The following AGBL4 variants were observed in gnomAD, a reference collection of about 807,000 sequenced individuals.
AGBL4 encodes the protein cytosolic carboxypeptidase 6.
AGBL4 carries 58 observed loss-of-function variants against 66.4 expected under a neutral mutation model. The observed-to-expected ratio is 0.87, with a 90% CI of 0.71 to 1.09. AGBL4 has a LOEUF of 1.09. Ranked by LOEUF, AGBL4 falls within the 50% of genes least tolerant of loss-of-function variation. The pLI, the probability that AGBL4 is intolerant of heterozygous loss-of-function variation, is 0.00. For missense variants in AGBL4, 579 were observed against 631.0 expected (o/e 0.92, Z 0.88); for synonymous variants, 234 against 222.9 (o/e 1.05, Z -0.44).
At chr1:49,631,622 T>C (rs1259906328) in intron 3 of AGBL4, among the ~76,000 whole-genome samples, 1 of 152,124 alleles carries the variant, frequency 6.6e-6, no homozygotes, top group African/African-American at 2.4e-5. Context: ...ATGATATCAT[T>C]ACTGTGACTG....
At chr1:49,174,472 C>T (rs1404368967) in intron 4 of AGBL4, among the ~76,000 whole-genome samples, 2 of 152,072 alleles carry the variant, frequency 1.3e-5, no homozygotes, top group Non-Finnish European at 2.9e-5. Context: ...GTTCCTTTTC[C>T]ATAATTTCAT....
intron 1 of AGBL4, among the ~76,000 whole-genome samples, chr1:49,990,342 C>T (rs555758435): frequency 2.9e-4 from 44 of 152,220 alleles, no homozygotes; most frequent in African/African-American, 1.0e-3. Context: ...TTCCCCCATG[C>T]TGTTCTCATA....
At chr1:49,055,725 TA>T (rs1644296245) in intron 4 of AGBL4, among the ~76,000 whole-genome samples, 1 of 152,098 alleles carries the variant, frequency 6.6e-6, no homozygotes, top group African/African-American at 2.4e-5. Context: ...TTTAAGAAAA[TA>T]AATATGTTTT....
At chr1:49,322,022 G>A (rs151210088) in intron 3 of AGBL4, among the ~76,000 whole-genome samples, 27 of 152,300 alleles carry the variant, frequency 1.8e-4, no homozygotes, top group African/African-American at 5.5e-4. Flanking sequence ...TTTTAGAGCA[G>A]AGCATGCCAC....
chr1:49,449,789 G>A (rs1646237743), intron 3 of AGBL4, among the ~76,000 whole-genome samples: 1 of 151,988 alleles, frequency 6.6e-6, no homozygotes, highest in African/African-American at 2.4e-5. Context: ...TCTCAGTTTA[G>A]TATTTTACAC....
intron 4 of AGBL4, among the ~76,000 whole-genome samples, chr1:49,047,296 G>A (rs190585828): frequency 2.6e-5 from 4 of 152,232 alleles, no homozygotes; most frequent in East Asian, 3.9e-4. Flanking sequence ...GAATCTGAAA[G>A]TGCTGAGGAG....
chr1:49,255,332 C>G (rs1652392729), intron 3 of AGBL4, among the ~76,000 whole-genome samples: 1 of 152,066 alleles, frequency 6.6e-6, no homozygotes, highest in African/African-American at 2.4e-5. Flanking sequence ...AAAAAACAAA[C>G]AACCCCATTA....
chr1:49,773,897 A>T (rs1256615303), intron 2 of AGBL4, among the ~76,000 whole-genome samples: 1 of 152,172 alleles, frequency 6.6e-6, no homozygotes, highest in African/African-American at 2.4e-5. Flanking sequence ...ATCTGTTCAG[A>T]CATCAGAGTC....
intron 6 of AGBL4, among the ~76,000 whole-genome samples, chr1:48,786,970 C>T (rs944650043): frequency 6.6e-6 from 1 of 152,172 alleles, no homozygotes; most frequent in African/African-American, 2.4e-5. Context: ...GAATGCTTGC[C>T]TTGTGCTAGG....
intron 3 of AGBL4, among the ~76,000 whole-genome samples, chr1:49,372,645 TTCTTTCTTTCTTTCTTTCTTTC>T (rs1266096757): frequency 5.7e-5 from 8 of 139,472 alleles, no homozygotes; most frequent in African/African-American, 1.5e-4. Context: ...CTTTCTTTCT[TTCTTTCTTTCTTTCTTTCTTTC>T]TTTCTTTCTT....
intron 3 of AGBL4, among the ~76,000 whole-genome samples, chr1:49,558,815 T>C (rs966334987): frequency 6.6e-6 from 1 of 152,130 alleles, no homozygotes; most frequent in African/African-American, 2.4e-5. Context: ...GTACTCTCCA[T>C]AGTCTGTGGT....
chr1:49,057,427 G>C (rs1644327425), intron 4 of AGBL4, among the ~76,000 whole-genome samples: 1 of 151,374 alleles, frequency 6.6e-6, no homozygotes, highest in Non-Finnish European at 1.5e-5. Flanking sequence ...AAACAAAAAA[G>C]AAAAAGAAAA....
At chr1:49,567,535 T>G (rs1457508909) in intron 3 of AGBL4, among the ~76,000 whole-genome samples, 1 of 152,160 alleles carries the variant, frequency 6.6e-6, no homozygotes, top group East Asian at 1.9e-4. Flanking sequence ...GTATAGTAAT[T>G]TTTAAAAATA....
chr1:49,462,890 A>C (rs1449413334), intron 3 of AGBL4, among the ~76,000 whole-genome samples: 7 of 151,748 alleles, frequency 4.6e-5, no homozygotes, highest in African/African-American at 1.7e-4. Flanking sequence ...TATGGCAATA[A>C]GGTTACTTGA....
chr1:48,971,982 C>G (rs1276360173), intron 5 of AGBL4, among the ~76,000 whole-genome samples: 1 of 152,054 alleles, frequency 6.6e-6, no homozygotes, highest in Non-Finnish European at 1.5e-5. Flanking sequence ...CTATGCAGGC[C>G]TCTGATGATG....
At chr1:49,512,182 AT>A (rs1649331130) in intron 3 of AGBL4, among the ~76,000 whole-genome samples, 1 of 151,964 alleles carries the variant, frequency 6.6e-6, no homozygotes, top group African/African-American at 2.4e-5. Context: ...AAAGCTCTAT[AT>A]TGAAAATGTC....
intron 1 of AGBL4, among the ~76,000 whole-genome samples, chr1:49,892,227 A>G (rs1648726434): frequency 6.6e-6 from 1 of 152,188 alleles, no homozygotes; most frequent in African/African-American, 2.4e-5. Context: ...TAATAACTAT[A>G]TTATCAATTT....
At chr1:49,135,409 T>C (rs1030666505) in intron 4 of AGBL4, among the ~76,000 whole-genome samples, 2 of 152,092 alleles carry the variant, frequency 1.3e-5, no homozygotes, top group East Asian at 1.9e-4. Flanking sequence ...TGGGAGACCC[T>C]GACCCAGCAG....
chr1:48,595,599 G>C (rs1644983020), intron 9 of AGBL4, among the ~76,000 whole-genome samples: 1 of 152,214 alleles, frequency 6.6e-6, no homozygotes, highest in African/African-American at 2.4e-5. Context: ...ATGAAGGGCT[G>C]TCCCCTTGCC....
Sources: allele counts gnomAD v4.1 joint callset (sites outside exome capture counted in the v4.1 genomes callset), GRCh38; gene constraint gnomAD v4.1.1; transcripts MANE v1.5; gene names NCBI Gene and HGNC (gene_info 2026-07-23, HGNC 2026-07-21).